The following YIPF4 variants were observed in gnomAD, a reference collection of about 807,000 sequenced individuals.
The protein encoded by YIPF4 is protein YIPF4.
Under a neutral mutation model 29.4 loss-of-function variants are expected in YIPF4, and 18 were observed. That is an observed-to-expected ratio of 0.61 (90% confidence interval 0.42 to 0.91). The LOEUF is 0.91. Ranked by LOEUF, YIPF4 falls within the 40% of genes least tolerant of loss-of-function variation. The probability of loss-of-function intolerance (pLI) is 0.00; values close to 1 mark genes in which losing one functional copy is unlikely to be tolerated. For synonymous variants in YIPF4, 115 were observed against 104.7 expected, an observed-to-expected ratio of 1.10 and a Z score of -0.60; for missense variants, 279 against 282.7, an observed-to-expected ratio of 0.99 and a Z score of 0.09.
In YIPF4 at chr2:32,297,565, C is replaced by G. The variant is rs571077003; in HGVS notation, c.406-669C>G. Among the ~76,000 whole-genome samples, 6 of 151,990 alleles carry G rather than the reference C, an allele frequency of 3.9e-5. No individual in the cohort carries two copies. In the South Asian group the frequency reaches 1.2e-3, roughly 32 times the overall value. The stretch of plus-strand genomic sequence containing the variant: ...GGAGGATCACTTGAGCTCAGGAGTT[C>G]GAGACCAGCCTGGGCAACATAGTGA... On this transcript the variant is annotated intron_variant, in intron 3 of 5. Transcript: ENST00000238831.
chr2:32,296,677 C>T (rs769965743), intron 3 of YIPF4, among the ~76,000 whole-genome samples: 2 of 152,088 alleles, frequency 1.3e-5, no homozygotes, highest in Non-Finnish European at 2.9e-5. Context: ...GTGATGTTAA[C>T]CTTGATCACT....
intron 1 of YIPF4, among the ~76,000 whole-genome samples, chr2:32,289,281 A>C (rs1197863826): frequency 2.6e-5 from 4 of 152,252 alleles, no homozygotes; most frequent in African/African-American, 9.6e-5. Flanking sequence ...TTAGTAGCTA[A>C]GCTGGGACTT....
Position 32,305,661 on chromosome 2 carries a change from A to T in YIPF4, c.*35A>T. On this transcript the variant is annotated 3_prime_UTR_variant, in exon 6 of 6. Transcript: ENST00000238831. Reference sequence around the variant, plus strand: ...TACATGAATAGAAAAAGATGGTGTTAAATTTGTGTGTAGGCTGGGAATTCT... The same window carrying T: ...TACATGAATAGAAAAAGATGGTGTTTAATTTGTGTGTAGGCTGGGAATTCT... The T allele has an allele frequency of 6.8e-7, 1 of 1,467,912 alleles. No homozygotes were observed. 90.9% of individuals were successfully genotyped at this position (1,467,912 alleles called of 1,614,324 possible).
chr2:32,298,141 C>G (rs1035996029), intron 3 of YIPF4, 93 bp from the exon 4 acceptor site: 7 of 999,148 alleles, frequency 7.0e-6, no homozygotes, highest in Non-Finnish European at 9.3e-6. Context: ...ATTGGGCATG[C>G]TAAACTGTCA....
At chr2:32,299,261 A>G (rs560718982) in intron 4 of YIPF4, among the ~76,000 whole-genome samples, 1 of 152,344 alleles carries the variant, frequency 6.6e-6, no homozygotes, top group South Asian at 2.1e-4. Context: ...TTTAACATAA[A>G]CAATACATTT....
At position 32,309,949 on chromosome 2, in the gene YIPF4, C is replaced by G. The variant is rs1191291859; in HGVS notation, c.*4323C>G. The G allele has an allele frequency of 1.3e-5, 2 of 152,110 alleles. No homozygotes were observed. The highest frequency in any genetic ancestry group is 2.9e-5 in the Non-Finnish European group (2 of 68,024). 9.4% of individuals were successfully genotyped at this position (152,110 alleles called of 1,614,324 possible). A position where few individuals can be genotyped will look rare whatever the true frequency, so the allele number is the denominator to read the frequency against. On this transcript the variant is annotated 3_prime_UTR_variant, in exon 6 of 6. Transcript: ENST00000238831. ...AGGTGATCCACCCACCTTGGCCTCC[C>G]AAAGTGCTGGGATTACAGGCTTAAG... is the stretch of plus-strand genomic sequence containing the variant.
rs1558471196 is a variant in YIPF4 at position 32,278,186 on chromosome 2, GC to G, written c.36del (p.Thr13LeufsTer20). 6.4e-7 allele frequency: 1 copy of G among 1,573,944 alleles called. No homozygotes were observed. The highest frequency in any genetic ancestry group is 1.2e-5 in the South Asian group (1 of 85,980). On this transcript the variant is annotated frameshift_variant, in exon 1 of 6. Coordinates refer to ENST00000238831, the MANE Select transcript of YIPF4 (RefSeq NM_032312.4). LOFTEE classifies it high-confidence loss of function. MQPPGPPPAY[A>X]PTNGDFTFVS... ...GCCTCCGGGCCCGCCCCCGGCCTAT[GC>G]CCCCACTAACGGGGACTTCACCTTT...
At chr2:32,285,733 G>A (rs937139051) in intron 1 of YIPF4, among the ~76,000 whole-genome samples, 2 of 147,134 alleles carry the variant, frequency 1.4e-5, no homozygotes, top group Non-Finnish European at 3.0e-5. Flanking sequence ...TCAGCTCATT[G>A]CAACCTCCAC....
chr2:32,294,959 C>G (rs931103873), intron 3 of YIPF4, among the ~76,000 whole-genome samples: 1 of 148,338 alleles, frequency 6.7e-6, no homozygotes, highest in Non-Finnish European at 1.5e-5. Flanking sequence ...GGCAGGCACT[C>G]GGCAGGCTGA....
intron 2 of YIPF4, among the ~76,000 whole-genome samples, chr2:32,291,302 A>G (rs1035900732): frequency 3.9e-5 from 6 of 152,214 alleles, no homozygotes; most frequent in Non-Finnish European, 7.3e-5. Flanking sequence ...TGGGAGGCCG[A>G]GGTGGGCGAA....
intron 3 of YIPF4, among the ~76,000 whole-genome samples, chr2:32,294,393 C>A (rs1025533284): frequency 4.1e-5 from 6 of 145,654 alleles, no homozygotes; most frequent in Non-Finnish European, 7.5e-5. Flanking sequence ...CAGACGTGGT[C>A]GCGGCCGAGC....
At chr2:32,298,198 T>C in intron 3 of YIPF4, 36 bp from the exon 4 acceptor site, 1 of 1,450,068 alleles carries the variant, frequency 6.9e-7, no homozygotes, top group Non-Finnish European at 9.6e-7. Flanking sequence ...TCTTATTTGG[T>C]ATAAAAATAT....
In YIPF4 at chr2:32,306,061, A is replaced by G; in HGVS notation, c.*435A>G. 1.2e-6 allele frequency: 1 copy of G among 818,704 alleles called. No homozygotes were observed. Among genetic ancestry groups the G allele is most frequent in the Non-Finnish European group, 1.5e-6 (1 of 678,232 alleles). The allele number at this position is 818,704 out of a possible 1,614,324, so 50.7% of individuals were successfully genotyped here. ...TGCAGATATATATTTATATTTATAC[A>G]TATATATTTATGAAATAATTCTTAC... On this transcript the variant is annotated 3_prime_UTR_variant, in exon 6 of 6. Coordinates refer to ENST00000238831, the MANE Select transcript of YIPF4 (RefSeq NM_032312.4).
chr2:32,293,724 C>T (rs1180590581), intron 3 of YIPF4, among the ~76,000 whole-genome samples: 15 of 150,000 alleles, frequency 1.0e-4, no homozygotes, highest in African/African-American at 2.0e-4. Flanking sequence ...GGGGGGCTGA[C>T]CCCCCAACCT....
intron 5 of YIPF4, among the ~76,000 whole-genome samples, chr2:32,301,770 G>A (rs191775691): frequency 6.6e-6 from 1 of 152,158 alleles, no homozygotes; most frequent in Non-Finnish European, 1.5e-5. Context: ...CTGGAGTCTC[G>A]ATCTGTCACC....
rs2148969343 is a variant in YIPF4 at position 32,308,158 on chromosome 2, G to T, written c.*2532G>T. 6.6e-6 allele frequency: 1 copy of T among 151,960 alleles called. No homozygotes were observed. The highest frequency in any genetic ancestry group is 2.1e-4 in the South Asian group (1 of 4,810). 9.4% of individuals were successfully genotyped at this position (151,960 alleles called of 1,614,324 possible). On this transcript the variant is annotated 3_prime_UTR_variant, in exon 6 of 6. Coordinates refer to ENST00000238831, the MANE Select transcript of YIPF4 (RefSeq NM_032312.4). ...ACAGAGTCACTCTGTCACCCAAGCT[G>T]GAGTGCAATGGCACGATCTCGGCTC...
intron 4 of YIPF4, among the ~76,000 whole-genome samples, chr2:32,299,490 C>T (rs1411115235): frequency 6.6e-6 from 1 of 152,092 alleles, no homozygotes; most frequent in African/African-American, 2.4e-5. Flanking sequence ...TTTTAATAAC[C>T]TTTTCAGATG....
chr2:32,294,022 C>T (rs1318669795), intron 3 of YIPF4, among the ~76,000 whole-genome samples: 12 of 141,604 alleles, frequency 8.5e-5, no homozygotes, highest in Admixed American at 5.6e-4. Flanking sequence ...CCGGACAGGG[C>T]GGCTGGCCGG....
At chr2:32,290,875 C>T (rs940528025) in intron 2 of YIPF4, 10 of 204,566 alleles carry the variant, frequency 4.9e-5, no homozygotes, top group South Asian at 1.7e-4. Flanking sequence ...TGTGTCTACT[C>T]CAGCTTACCT....
Sources: gnomAD v4.1 joint callset for allele counts (sites outside exome capture counted in the v4.1 genomes callset) on GRCh38, gnomAD v4.1.1 for gene constraint, MANE v1.5 for transcripts, NCBI Gene and HGNC (gene_info 2026-07-23, HGNC 2026-07-21) for gene names.